ZNF425: variants seen among roughly 807,000 people sequenced by gnomAD.
The protein encoded by ZNF425 is zinc finger protein 425.
A neutral mutation model predicts 17.0 loss-of-function variants in ZNF425; 21 were observed. That is an observed-to-expected ratio of 1.23 (90% confidence interval 0.88 to 1.78). The LOEUF (loss-of-function observed/expected upper bound fraction) is 1.78, where lower values mean the gene tolerates loss of function less well. Among genes scored for constraint, ZNF425 ranks in the 40% most tolerant of loss-of-function variants. ZNF425 has a pLI of 0.00. For missense variants in ZNF425, 868 were observed against 967.3 expected (o/e 0.90, Z 1.36); for synonymous variants, 433 against 384.1 (o/e 1.13, Z -1.49).
At position 149,103,844 on chromosome 7, in the gene ZNF425, C is replaced by T. The variant is rs1192324919; in HGVS notation, c.2027G>A (p.Cys676Tyr). 5.0e-6 allele frequency: 8 copies of T among 1,613,744 alleles called. No homozygotes were observed. The highest frequency in any genetic ancestry group is 6.8e-6 in the Non-Finnish European group (8 of 1,179,980). Residue 676 changes from cysteine to tyrosine, a missense_variant, in exon 4 of 4, where the codon TGC becomes TAC. By Grantham distance (194) the Cys-to-Tyr change is radical. This residue lies in a region of ZNF425 where 437 missense variants were observed against 444.2 expected (regional missense o/e 0.98). Coordinates refer to ENST00000378061, the MANE Select transcript of ZNF425 (RefSeq NM_001001661.3). ...FQCPECDKSY[C>Y]IRGSLKVHLY... is the part of the protein sequence containing the mutation. The stretch of plus-strand genomic sequence containing the variant: ...GTGGACCTTCAAGCTGCCCCTGATG[C>T]AGTAGCTCTTGTCACACTCCGGACA...
At chr7:149,124,259 C>CG (rs1327662465) in intron 1 of ZNF425, among the ~76,000 whole-genome samples, 1 of 150,756 alleles carries the variant, frequency 6.6e-6, no homozygotes, top group Non-Finnish European at 1.5e-5. Context: ...GGGTTCACGC[C>CG]GTTCTCCTGC....
chr7:149,104,835 T>C lies in ZNF425; in HGVS notation c.1036A>G (p.Lys346Glu). 3 of 1,613,904 alleles carry C rather than the reference T, an allele frequency of 1.9e-6. No individual in the cohort carries two copies. The highest frequency in any genetic ancestry group is 2.5e-6 in the Non-Finnish European group (3 of 1,179,998). The change falls in exon 4 of 4, where the codon AAG becomes GAG. Residue 346 changes from lysine to glutamate, a missense_variant. Physicochemically the swap from Lys to Glu is moderately conservative, Grantham distance 56 (BLOSUM62 1). Transcript: ENST00000378061. This position sits in a 1 kb window ranked among gnomAD's most constrained non-coding sequence, Gnocchi z 4.3. Reference protein sequence around the residue: ...DRCFRLKRGMKVHLTQHSGKR... With the variant: ...DRCFRLKRGMEVHLTQHSGKR... ...CCGCTGTGCTGGGTCAGATGGACCT[T>C]CATGCCCCTCTTCAGGCGGAAGCAC...
At chr7:149,117,756 G>A (rs1272142524) in intron 2 of ZNF425, among the ~76,000 whole-genome samples, 7 of 139,426 alleles carry the variant, frequency 5.0e-5, no homozygotes, top group East Asian at 2.3e-4. Context: ...AGGTTCAAGC[G>A]ATTCTCCTGT....
chr7:149,104,383 C>T lies in ZNF425; in HGVS notation c.1488G>A (p.Lys496=). ...TTTTGCACTCGCCGCAGGGAAACTC[C>T]TTCTGCCTGTCGTGGACTCTGGTGT... ...ACHTRVHDRQ[K]EFPCGECKKT... is the part of the protein sequence containing the mutation. Residue 496 remains lysine (K), a synonymous_variant, in exon 4 of 4, where the codon AAG becomes AAA. Coordinates refer to ENST00000378061, the MANE Select transcript of ZNF425 (RefSeq NM_001001661.3). This position sits in a 1 kb window ranked among gnomAD's most constrained non-coding sequence, Gnocchi z 4.3. The T allele has an allele frequency of 6.2e-7, 1 of 1,610,070 alleles. No homozygotes were observed. Among genetic ancestry groups the T allele is most frequent in the Non-Finnish European group, 8.5e-7 (1 of 1,178,038 alleles).
intron 1 of ZNF425, among the ~76,000 whole-genome samples, chr7:149,121,512 C>T (rs1436403381): frequency 6.6e-6 from 1 of 151,976 alleles, no homozygotes; most frequent in East Asian, 1.9e-4. Context: ...CTGCCTCAGC[C>T]TCACGAGCAG....
At chr7:149,114,857 T>G (rs969040241) in intron 2 of ZNF425, among the ~76,000 whole-genome samples, 1 of 150,704 alleles carries the variant, frequency 6.6e-6, no homozygotes, top group Non-Finnish European at 1.5e-5. Flanking sequence ...ATCACTAAAC[T>G]TTTCTGATGA....
intron 2 of ZNF425, among the ~76,000 whole-genome samples, chr7:149,116,740 G>A (rs1826272001): frequency 6.6e-6 from 1 of 152,042 alleles, no homozygotes; most frequent in African/African-American, 2.4e-5. Context: ...CCAGCCTTCT[G>A]TGCAGATCCT....
chr7:149,122,727 G>C (rs1436173747), intron 1 of ZNF425, among the ~76,000 whole-genome samples: 2 of 151,818 alleles, frequency 1.3e-5, no homozygotes, highest in Non-Finnish European at 2.9e-5. Flanking sequence ...ACGGAGTCTC[G>C]TTCCGTCGCC....
rs766349412 is a variant in ZNF425 at position 149,104,757 on chromosome 7, C to T, written c.1114G>A (p.Ala372Thr). The T allele has an allele frequency of 1.2e-6, 2 of 1,612,834 alleles. No individual in the cohort carries two copies. Among genetic ancestry groups the T allele is most frequent in the Non-Finnish European group, 1.7e-6 (2 of 1,179,708 alleles). Residue 372 changes from alanine to threonine, a missense_variant, in exon 4 of 4, where the codon GCC becomes ACC. Transcript: ENST00000378061. The surrounding 1 kb of genome is among the most constrained non-coding windows in gnomAD (Gnocchi z 4.3). ...TGCGTCCTCTGGTGGGTCTTCAGGGCAGCCTTCCGGGAGAAGCTCCGGCCA... is the reference window on the plus strand; with the variant it reads ...TGCGTCCTCTGGTGGGTCTTCAGGGTAGCCTTCCGGGAGAAGCTCCGGCCA... ...ECGRSFSRKAALKTHQRTHSE... is the reference protein window; with the variant it reads ...ECGRSFSRKATLKTHQRTHSE...
chr7:149,124,085 G>A (rs1313005792), intron 1 of ZNF425, among the ~76,000 whole-genome samples: 4 of 151,346 alleles, frequency 2.6e-5, no homozygotes, highest in African/African-American at 9.7e-5. Context: ...CTGACCTCGT[G>A]ATCCGCCCGG....
intron 2 of ZNF425, among the ~76,000 whole-genome samples, chr7:149,114,672 C>T (rs896642934): frequency 6.6e-6 from 1 of 151,366 alleles, no homozygotes. Flanking sequence ...GGTGGGATTA[C>T]AGGCGTGAAC....
Position 149,103,352 on chromosome 7 carries a change from G to A in ZNF425, c.*260C>T. 1 of 410,426 alleles carries A rather than the reference G, an allele frequency of 2.4e-6. No individual in the cohort carries two copies. The highest frequency in any genetic ancestry group is 4.3e-5 in the South Asian group (1 of 23,016). 25.4% of individuals were successfully genotyped at this position (410,426 alleles called of 1,614,324 possible). A position where few individuals can be genotyped will look rare whatever the true frequency, so the allele number is the denominator to read the frequency against. The stretch of plus-strand genomic sequence containing the variant: ...CTGCCTCAACCTCCCAAAGTAGCTG[G>A]GACCACAAGCATGCACCACAACGCC... On this transcript the variant is annotated 3_prime_UTR_variant, in exon 4 of 4. Coordinates refer to ENST00000378061, the MANE Select transcript of ZNF425 (RefSeq NM_001001661.3).
At chr7:149,112,973 CTTTTTTTT>C (rs35291501) in intron 2 of ZNF425, among the ~76,000 whole-genome samples, 1 of 123,986 alleles carries the variant, frequency 8.1e-6, no homozygotes, top group Admixed American at 8.2e-5. Flanking sequence ...CCCCGTGACC[CTTTTTTTT>C]TTTTTTTTTT....
intron 1 of ZNF425, among the ~76,000 whole-genome samples, chr7:149,125,268 C>G (rs1396109446): frequency 6.6e-6 from 1 of 152,170 alleles, no homozygotes; most frequent in Admixed American, 6.5e-5. Context: ...CACACTTAAG[C>G]AAGTTATACT....
chr7:149,105,389 G>A lies in ZNF425; in HGVS notation c.482C>T (p.Thr161Ile), dbSNP rs1826064001. 6.3e-7 allele frequency: 1 copy of A among 1,590,470 alleles called. No homozygotes were observed. The highest frequency in any genetic ancestry group is 1.4e-5 in the African/African-American group (1 of 73,390). ...GTCTTTCTTGTCTGGATCATATGCT[G>A]TGATGCTGACTTTTTTATTTAGAAT... ...TEILNKKVSI[T>I]AYDPDKKDLR... is the part of the protein sequence containing the mutation. The change falls in exon 4 of 4, where the codon ACA becomes ATA. Residue 161 changes from threonine (T) to isoleucine (I), a missense_variant. Around this residue, in one of 5 missense-constraint regions of ZNF425, gnomAD observed 179 missense variants for 216.3 expected, o/e 0.83. Transcript: ENST00000378061.
In ZNF425 at chr7:149,103,232, T is replaced by C. The variant is rs937425626; in HGVS notation, c.*380A>G. On this transcript the variant is annotated 3_prime_UTR_variant, in exon 4 of 4. Transcript: ENST00000378061. ...CAGTATTTTGTGATTTTTTTTCTTT[T>C]TTGAGACAAGATCTTGCTCTGTCAC... 5.5e-6 allele frequency: 1 copy of C among 180,384 alleles called. No individual in the cohort carries two copies. Among genetic ancestry groups the C allele is most frequent in the African/African-American group, 2.4e-5 (1 of 42,252 alleles). The allele number at this position is 180,384 out of a possible 1,614,324, so 11.2% of individuals were successfully genotyped here.
chr7:149,110,567 C>CA (rs776168505), intron 3 of ZNF425, among the ~76,000 whole-genome samples: 7,868 of 80,742 alleles, frequency 0.097, 681 homozygotes, highest in African/African-American at 0.28. Flanking sequence ...CTCCATCTCA[C>CA]AAAAAAAAAA....
chr7:149,117,744 C>T (rs984346817), intron 2 of ZNF425, among the ~76,000 whole-genome samples: 8 of 149,746 alleles, frequency 5.3e-5, no homozygotes, highest in Non-Finnish European at 1.2e-4. Flanking sequence ...CCTCCGCCTC[C>T]CAGGTTCAAG....
chr7:149,106,878 G>A (rs1385175830), intron 3 of ZNF425, among the ~76,000 whole-genome samples: 1 of 152,062 alleles, frequency 6.6e-6, no homozygotes, highest in Non-Finnish European at 1.5e-5. Flanking sequence ...GGAGGCTGAG[G>A]TGGGCAGATC....
Sources: gnomAD v4.1 joint callset for allele counts (sites outside exome capture counted in the v4.1 genomes callset) on GRCh38, gnomAD v4.1.1 for gene constraint, gnomAD v4.1.1 regional missense constraint, Gnocchi (gnomAD v3.1) non-coding constraint, MANE v1.5 for transcripts, NCBI Gene and HGNC (gene_info 2026-07-23, HGNC 2026-07-21) for gene names.